The following ELFN2 variants were observed in gnomAD, a reference collection of about 807,000 sequenced individuals.
ELFN2 encodes the protein protein phosphatase 1 regulatory subunit 29.
A neutral mutation model predicts 45.5 loss-of-function variants in ELFN2; 17 were observed. That is an observed-to-expected ratio of 0.37 (90% CI 0.26 to 0.56). The LOEUF is 0.56. Ranked by LOEUF, ELFN2 falls within the 20% of genes least tolerant of loss-of-function variation. ELFN2 has a pLI of 0.77. For missense variants in ELFN2, 922 were observed against 1,183.2 expected (o/e 0.78, Z 3.24); for synonymous variants, 550 against 551.5 (o/e 1.00, Z 0.04).
At chr22:37,346,827 A>G (rs1162767532) in intron 1 of ELFN2, among the ~76,000 whole-genome samples, 2 of 152,098 alleles carry the variant, frequency 1.3e-5, no homozygotes, top group Non-Finnish European at 1.5e-5. Context: ...ACATACACAC[A>G]CACAGCCCTC....
intron 2 of ELFN2, among the ~76,000 whole-genome samples, chr22:37,377,188 C>G (rs149782880): frequency 6.6e-6 from 1 of 152,244 alleles, no homozygotes; most frequent in Non-Finnish European, 1.5e-5. Flanking sequence ...TGCATCAACC[C>G]TCACTTTCCA....
intron 1 of ELFN2, among the ~76,000 whole-genome samples, chr22:37,345,581 T>G (rs1029224377): frequency 3.4e-5 from 5 of 147,652 alleles, no homozygotes; most frequent in Non-Finnish European, 7.5e-5. Context: ...GAAGTCTCAC[T>G]CTGTCACCCA....
At chr22:37,365,933 C>T (rs1009462527), downstream of ELFN2, among the ~76,000 whole-genome samples, 4 of 152,088 alleles carry the variant, frequency 2.6e-5, no homozygotes, top group Admixed American at 6.5e-5. Context: ...CAGGTATTTG[C>T]GAATGTCCTT....
intron 2 of ELFN2, among the ~76,000 whole-genome samples, chr22:37,386,784 C>T (rs566271532): frequency 4.6e-5 from 7 of 152,378 alleles, no homozygotes; most frequent in African/African-American, 9.6e-5. Flanking sequence ...ACCAACTCCG[C>T]GTGGCCAGTC....
At chr22:37,350,275 A>AGCCAAGGAAATGATTCAGTTTT (rs1930792091) in intron 1 of ELFN2, among the ~76,000 whole-genome samples, 1 of 150,632 alleles carries the variant, frequency 6.6e-6, no homozygotes, top group South Asian at 2.1e-4. Context: ...AACGGGTGGG[A>AGCCAAGGAAATGATTCAGTTTT]GCCAAGGAAA....
At chr22:37,391,274 AC>A (rs889497663) in intron 2 of ELFN2, among the ~76,000 whole-genome samples, 1 of 152,106 alleles carries the variant, frequency 6.6e-6, no homozygotes, top group Non-Finnish European at 1.5e-5. Context: ...TTCTGCCTGG[AC>A]CACAGCCTCA....
intron 2 of ELFN2, among the ~76,000 whole-genome samples, chr22:37,404,786 C>T (rs1428038884): frequency 6.6e-6 from 1 of 152,160 alleles, no homozygotes; most frequent in Non-Finnish European, 1.5e-5. Flanking sequence ...CCACATCTGC[C>T]TGTGTTCAAA....
chr22:37,397,449 T>G (rs991834782), intron 2 of ELFN2, among the ~76,000 whole-genome samples: 4 of 152,196 alleles, frequency 2.6e-5, no homozygotes, highest in African/African-American at 9.6e-5. Context: ...CCCAGCTCCT[T>G]CTGGCTGCTG....
chr22:37,392,490 G>T (rs750435237), intron 2 of ELFN2, among the ~76,000 whole-genome samples: 83 of 151,916 alleles, frequency 5.5e-4, no homozygotes, highest in Non-Finnish European at 1.2e-3. Context: ...GCTAATTTTT[G>T]TGTATTTTTA....
At chr22:37,394,155 C>T (rs576364063) in intron 2 of ELFN2, among the ~76,000 whole-genome samples, 39 of 152,278 alleles carry the variant, frequency 2.6e-4, no homozygotes, top group Non-Finnish European at 4.9e-4. Flanking sequence ...GTCTCATCAT[C>T]CAAATTATGT....
chr22:37,385,834 G>A (rs6000704), intron 2 of ELFN2, among the ~76,000 whole-genome samples: 3 of 152,110 alleles, frequency 2.0e-5, no homozygotes, highest in Admixed American at 1.3e-4. Context: ...AGCATGGATC[G>A]GTCATTTAGG....
intron 1 of ELFN2, among the ~76,000 whole-genome samples, chr22:37,352,795 T>C (rs141234124): frequency 0.01 from 1,572 of 150,898 alleles, 63 homozygotes; most frequent in Middle Eastern, 0.071. Context: ...AAGGAGTTTG[T>C]GATGCATTCT....
Position 37,374,330 on chromosome 22 carries a change from A to G in ELFN2, c.1205T>C (p.Leu402Pro), listed in dbSNP as rs1387164083. The G allele has an allele frequency of 6.2e-7, 1 of 1,614,004 alleles. No individual in the cohort carries two copies. Among genetic ancestry groups the G allele is most frequent in the African/African-American group, 1.3e-5 (1 of 75,042 alleles). Residue 402 changes from leucine (L) to proline (P), a missense_variant, in exon 3 of 3, where the codon CTG becomes CCG. By Grantham distance (98) the Leu-to-Pro change is moderately conservative. Transcript: ENST00000402918. ...GATAACCATGCCAAAGAGGCAGCCC[A>G]GGATGGTCATGATGTAGTGGGTGGT... Reference protein sequence around the residue: ...STTTHYIMTILGCLFGMVIVL... With the variant: ...STTTHYIMTIPGCLFGMVIVL...
downstream of ELFN2, among the ~76,000 whole-genome samples, chr22:37,365,112 G>A (rs1477962392): frequency 1.3e-5 from 2 of 152,152 alleles, no homozygotes; most frequent in African/African-American, 4.8e-5. Flanking sequence ...AGCAGGAGGA[G>A]GCCAGCCTCT....
At chr22:37,390,607 A>AG (rs11416014) in intron 2 of ELFN2, among the ~76,000 whole-genome samples, 152,306 of 152,306 alleles carry the variant, frequency 1, 76,153 homozygotes, top group Non-Finnish European at 1. Context: ...TCAGATCCGC[A>AG]GCTGCAAAGG....
At chr22:37,423,527 T>C (rs1435513089) in intron 1 of ELFN2, among the ~76,000 whole-genome samples, 1 of 152,216 alleles carries the variant, frequency 6.6e-6, no homozygotes, top group African/African-American at 2.4e-5. Context: ...TGGACTGGTC[T>C]GTAACCTCTC....
chr22:37,406,353 C>T (rs1050261886), intron 2 of ELFN2, among the ~76,000 whole-genome samples: 34 of 152,260 alleles, frequency 2.2e-4, no homozygotes, highest in African/African-American at 7.5e-4. Flanking sequence ...GCACTCACAA[C>T]GGAGTGCCGG....
Position 37,373,639 on chromosome 22 carries a change from C to G in ELFN2, c.1896G>C (p.Ser632=). ...AAVTRKTCSV[S]SSGSIKSAKV... ...TGGCGCTCTTGATGGAACCACTGGACGACACGCTGCAGGTCTTGCGGGTCA... is the reference window on the plus strand; with the variant it reads ...TGGCGCTCTTGATGGAACCACTGGAGGACACGCTGCAGGTCTTGCGGGTCA... Residue 632 remains serine (S), a synonymous_variant, in exon 3 of 3, where the codon TCG becomes TCC. Coordinates refer to ENST00000402918, the MANE Select transcript of ELFN2 (RefSeq NM_052906.5). The G allele has an allele frequency of 1.3e-6, 2 of 1,594,972 alleles. No homozygotes were observed. Among genetic ancestry groups the G allele is most frequent in the Non-Finnish European group, 1.7e-6 (2 of 1,171,420 alleles).
chr22:37,358,206 C>T (rs57181655), intron 1 of ELFN2, among the ~76,000 whole-genome samples: 9,316 of 152,148 alleles, frequency 0.061, 699 homozygotes, highest in African/African-American at 0.18. Context: ...ACGGCTGCAT[C>T]GGCCCTAGAA....
Sources: allele counts gnomAD v4.1 joint callset (sites outside exome capture counted in the v4.1 genomes callset), GRCh38; gene constraint gnomAD v4.1.1; transcripts MANE v1.5; gene names NCBI Gene and HGNC (gene_info 2026-07-23, HGNC 2026-07-21).